DOC2B: variants seen among roughly 807,000 people sequenced by gnomAD.
DOC2B encodes the protein double C2 domain beta, also known as double C2-like domain-containing protein beta.
In DOC2B, 21 loss-of-function variants were observed where a neutral mutation model predicts 28.9. The observed-to-expected ratio is 0.73, with a 90% confidence interval of 0.52 to 1.05. The LOEUF (loss-of-function observed/expected upper bound fraction) is 1.05. DOC2B is among the 50% of genes least tolerant of loss of function. The pLI, the probability that DOC2B is intolerant of heterozygous loss-of-function variation, is 0.00. For missense variants in DOC2B, 384 were observed against 421.1 expected, an observed-to-expected ratio of 0.91 and a Z score of 0.77; for synonymous variants, 194 against 178.1, an observed-to-expected ratio of 1.09 and a Z score of -0.71.
At chr17:171,870 G>A (rs9674831) in intron 2 of DOC2B, among the ~76,000 whole-genome samples, 3 of 22,274 alleles carry the variant, frequency 1.3e-4, no homozygotes, top group African/African-American at 4.0e-4. Flanking sequence ...AGCACCAGGG[G>A]CCGGGCCAGG....
chr17:153,179 G>A (rs1555521975), intron 6 of DOC2B, among the ~76,000 whole-genome samples: 1 of 152,176 alleles, frequency 6.6e-6, no homozygotes, highest in Non-Finnish European at 1.5e-5. Context: ...CCCACGGCTG[G>A]CAGGTGGGAC....
At chr17:160,876 G>C (rs555191857) in intron 5 of DOC2B, among the ~76,000 whole-genome samples, 47 of 152,222 alleles carry the variant, frequency 3.1e-4, no homozygotes, top group African/African-American at 1.1e-3. Context: ...GTATCTCACA[G>C]GCACTCAGGT....
intron 5 of DOC2B, among the ~76,000 whole-genome samples, chr17:159,136 A>C (rs1041779103): frequency 5.9e-5 from 9 of 151,994 alleles, no homozygotes; most frequent in African/African-American, 1.4e-4. Context: ...TATGAAGACC[A>C]CTGGGTCTTG....
intron 2 of DOC2B, among the ~76,000 whole-genome samples, chr17:165,088 C>A (rs1414153200): frequency 6.6e-6 from 1 of 151,408 alleles, no homozygotes; most frequent in Non-Finnish European, 1.5e-5. Flanking sequence ...CAACCACCTA[C>A]TTCCCTGCCA....
chr17:181,134 C>T lies in DOC2B; in HGVS notation c.346G>A (p.Ala116Thr). 1 of 1,252,550 alleles carries T rather than the reference C, an allele frequency of 8.0e-7. No homozygotes were observed. The highest frequency in any genetic ancestry group is 1.0e-6 in the Non-Finnish European group (1 of 999,174). The allele number at this position is 1,252,550 out of a possible 1,614,324, so 77.6% of individuals were successfully genotyped here. The part of the protein sequence containing the change: ...PAKPPEDEPD[A>T]DGYESDDCTA... ...CAGTCGTCCGACTCGTAGCCGTCGG[C>T]GTCCGGCTCGTCCTCCGGCGGCTTG... The change falls in exon 1 of 9, where the codon GCC becomes ACC. Residue 116 changes from alanine to threonine, a missense_variant. Coordinates refer to ENST00000613549, the MANE Select transcript of DOC2B (RefSeq NM_003585.5). This position sits in a 1 kb window ranked among gnomAD's most constrained non-coding sequence, Gnocchi z 7.0.
chr17:156,869 G>A (rs149208451), intron 5 of DOC2B, among the ~76,000 whole-genome samples: 44 of 152,308 alleles, frequency 2.9e-4, no homozygotes, highest in African/African-American at 7.7e-4. Context: ...ATGAGCCACC[G>A]TGCCCAGCTG....
Position 181,165 on chromosome 17 carries a change from C to A in DOC2B, c.315G>T (p.Pro105=). The change falls in exon 1 of 9, where the codon CCG becomes CCT. Residue 105 remains proline, a synonymous_variant. Coordinates refer to ENST00000613549, the MANE Select transcript of DOC2B (RefSeq NM_003585.5). This position sits in a 1 kb window ranked among gnomAD's most constrained non-coding sequence, Gnocchi z 7.0. ...GCTCGTCCTCCGGCGGCTTGGCTGG[C>A]GGCCGCGCGGGGCTGGGACCCGGGC... ...GPSPGPSPAR[P]PAKPPEDEPD... is the part of the protein sequence containing the mutation. The A allele has an allele frequency of 4.0e-6, 5 of 1,251,882 alleles. No homozygotes were observed. Among genetic ancestry groups the A allele is most frequent in the Non-Finnish European group, 3.0e-6 (3 of 999,184 alleles). 77.5% of individuals were successfully genotyped at this position (1,251,882 alleles called of 1,614,324 possible).
At chr17:156,007 C>T (rs1297317967) in intron 6 of DOC2B, 12 of 577,470 alleles carry the variant, frequency 2.1e-5, no homozygotes, top group Non-Finnish European at 3.3e-5. Flanking sequence ...TGGGAAGCCA[C>T]TCAGCTTCTC....
intron 2 of DOC2B, among the ~76,000 whole-genome samples, chr17:165,484 G>GT (rs2083064972): frequency 7.8e-6 from 1 of 128,836 alleles, no homozygotes; most frequent in Non-Finnish European, 1.6e-5. Flanking sequence ...CCTGTCTCAA[G>GT]TTTAAAAAAA....
At chr17:174,320 T>C (rs1229637362) in intron 1 of DOC2B, among the ~76,000 whole-genome samples, 1 of 152,218 alleles carries the variant, frequency 6.6e-6, no homozygotes, top group Non-Finnish European at 1.5e-5. Context: ...TTTACTCATC[T>C]GTGAAATGGA....
At chr17:154,918 C>T (rs1164096818) in intron 6 of DOC2B, among the ~76,000 whole-genome samples, 4 of 152,040 alleles carry the variant, frequency 2.6e-5, no homozygotes, top group Admixed American at 6.6e-5. Context: ...TTAGTAGAGA[C>T]GGGTTTCCCC....
chr17:152,416 G>A (rs1297768195), intron 6 of DOC2B, among the ~76,000 whole-genome samples: 1 of 152,170 alleles, frequency 6.6e-6, no homozygotes, highest in Non-Finnish European at 1.5e-5. Flanking sequence ...CTGGGCCTGG[G>A]GTCAACTTCC....
chr17:172,491 G>C (rs575894243), intron 2 of DOC2B, 46 bp downstream of exon 2: 2 of 1,517,374 alleles, frequency 1.3e-6, no homozygotes, highest in East Asian at 4.9e-5. Context: ...AGGCCCTCTT[G>C]AGGACCCCGG....
At chr17:175,384 A>T (rs904928528) in intron 1 of DOC2B, among the ~76,000 whole-genome samples, 1 of 151,878 alleles carries the variant, frequency 6.6e-6, no homozygotes, top group African/African-American at 2.4e-5. Context: ...GGCTGCTGGA[A>T]GGGAGGTGTA....
intron 5 of DOC2B, among the ~76,000 whole-genome samples, chr17:158,263 A>G (rs2040158972): frequency 6.6e-6 from 1 of 151,032 alleles, no homozygotes; most frequent in East Asian, 1.9e-4. Context: ...CTAGGCCCTC[A>G]GCCCCCCCAG....
chr17:170,235 G>A (rs1181443175), intron 2 of DOC2B, among the ~76,000 whole-genome samples: 2 of 152,172 alleles, frequency 1.3e-5, no homozygotes, highest in East Asian at 1.9e-4. Context: ...TGGAGCCCCC[G>A]CCAGGCAGGG....
intron 2 of DOC2B, among the ~76,000 whole-genome samples, chr17:164,499 C>G (rs1175489993): frequency 1.3e-5 from 2 of 152,174 alleles, no homozygotes; most frequent in African/African-American, 4.8e-5. Context: ...CTGAGCCTCC[C>G]TCTCCACCCT....
At chr17:178,606 C>T (rs780387916) in intron 1 of DOC2B, among the ~76,000 whole-genome samples, 7 of 152,208 alleles carry the variant, frequency 4.6e-5, no homozygotes, top group Non-Finnish European at 1.0e-4. Context: ...ACATTCACTG[C>T]CTTTCCTCCC....
In DOC2B at chr17:155,994, C is replaced by T. The variant is rs990765575; in HGVS notation, c.923+226G>A. On this transcript the variant is annotated intron_variant, in intron 6 of 8. Transcript: ENST00000613549. The stretch of plus-strand genomic sequence containing the variant: ...CAGGTGATAACTAATACCTGCATGA[C>T]CCTGGGAAGCCACTCAGCTTCTCTG... 4 of 565,982 alleles carry T rather than the reference C, an allele frequency of 7.1e-6. No homozygotes were observed. In the African/African-American group the frequency reaches 7.7e-5, roughly 11 times the overall value. The allele number at this position is 565,982 out of a possible 1,614,324, so 35.1% of individuals were successfully genotyped here.
Sources: gnomAD v4.1 joint callset for allele counts (sites outside exome capture counted in the v4.1 genomes callset) on GRCh38, gnomAD v4.1.1 for gene constraint, Gnocchi (gnomAD v3.1) non-coding constraint, MANE v1.5 for transcripts, NCBI Gene and HGNC (gene_info 2026-07-23, HGNC 2026-07-21) for gene names.